KIF16B: variants seen among roughly 807,000 people sequenced by gnomAD.
KIF16B encodes kinesin-like protein KIF16B.
A neutral mutation model predicts 156.3 loss-of-function variants in KIF16B; 98 were observed. That is an observed-to-expected ratio of 0.63 (90% CI 0.53 to 0.74). KIF16B has a LOEUF of 0.74. KIF16B is among the 30% of genes least tolerant of loss of function. The pLI, the probability that KIF16B is intolerant of heterozygous loss-of-function variation, is 0.00. For synonymous variants in KIF16B, 564 were observed against 583.7 expected, an observed-to-expected ratio of 0.97 and a Z score of 0.49; for missense variants, 1,421 against 1,606.5, an observed-to-expected ratio of 0.88 and a Z score of 1.97.
intron 24 of KIF16B, among the ~76,000 whole-genome samples, chr20:16,315,938 T>C (rs1285546091): frequency 6.6e-6 from 1 of 152,138 alleles, no homozygotes; most frequent in African/African-American, 2.4e-5. Flanking sequence ...TAATGTAAAG[T>C]ATAGGAAAAA....
chr20:16,300,690 G>A (rs1289884374), intron 25 of KIF16B, among the ~76,000 whole-genome samples: 1 of 152,042 alleles, frequency 6.6e-6, no homozygotes, highest in East Asian at 1.9e-4. Flanking sequence ...TTACTTCTTA[G>A]TTTTAGAGGT....
chr20:16,488,235 C>G (rs963532484), intron 12 of KIF16B, among the ~76,000 whole-genome samples: 2 of 152,200 alleles, frequency 1.3e-5, no homozygotes, highest in African/African-American at 2.4e-5. Context: ...CTGCGAGGAC[C>G]ACTTTGCAGC....
intron 25 of KIF16B, among the ~76,000 whole-genome samples, chr20:16,298,716 T>C (rs924892226): frequency 1.3e-5 from 2 of 152,122 alleles, no homozygotes; most frequent in Admixed American, 6.5e-5. Context: ...ATTAGAAGTA[T>C]AGTCCCACCT....
rs963868709 is a variant in KIF16B at position 16,573,380 on chromosome 20, C to A, written c.-105G>T. ...GCGGCTCCCGCCCACTTCCCTCTCG[C>A]CCCCGCCCCTCTGCTCCCGGCCGGA... On this transcript the variant is annotated 5_prime_UTR_variant, in exon 1 of 26. Transcript: ENST00000354981. 9.5e-6 allele frequency: 12 copies of A among 1,257,430 alleles called. No homozygotes were observed. The highest frequency in any genetic ancestry group is 1.3e-5 in the Non-Finnish European group (12 of 894,058). The allele number at this position is 1,257,430 out of a possible 1,614,324, so 77.9% of individuals were successfully genotyped here. A position where few individuals can be genotyped will look rare whatever the true frequency, so the allele number is the denominator to read the frequency against.
In KIF16B at chr20:16,335,924, A is replaced by G. The variant is rs1279654928; in HGVS notation, c.3711+2T>C. ...ATCGGAGATAATAATTTCATAACTT[A>G]CCTCTGCATACTTTAACTTCAATGT... On this transcript the variant is annotated splice_donor_variant, in intron 24 of 25. Coordinates refer to ENST00000354981, the MANE Select transcript of KIF16B (RefSeq NM_024704.5). LOFTEE classifies it high-confidence loss of function. 3 of 1,560,300 alleles carry G rather than the reference A, an allele frequency of 1.9e-6. No homozygotes were observed. The highest frequency in any genetic ancestry group is 2.6e-6 in the Non-Finnish European group (3 of 1,135,160).
intron 1 of KIF16B, among the ~76,000 whole-genome samples, chr20:16,572,201 AT>A (rs1315540815): frequency 3.9e-5 from 6 of 152,332 alleles, no homozygotes; most frequent in Admixed American, 6.5e-5. Flanking sequence ...CAAAATAATG[AT>A]TCCCTACTTG....
intron 17 of KIF16B, among the ~76,000 whole-genome samples, chr20:16,387,544 T>C (rs1220423317): frequency 6.6e-6 from 1 of 152,202 alleles, no homozygotes; most frequent in Non-Finnish European, 1.5e-5. Context: ...AAAGTCTCCA[T>C]GCTGAAGAAG....
chr20:16,284,367 A>G (rs1237687026), intron 25 of KIF16B, among the ~76,000 whole-genome samples: 1 of 152,080 alleles, frequency 6.6e-6, no homozygotes, highest in Non-Finnish European at 1.5e-5. Context: ...CAACTTGCAA[A>G]CCCTTCTCCT....
chr20:16,296,643 C>T (rs1009587614), intron 25 of KIF16B, among the ~76,000 whole-genome samples: 6 of 152,112 alleles, frequency 3.9e-5, no homozygotes, highest in African/African-American at 7.2e-5. Context: ...TCTAATGGGG[C>T]TGCACATGAG....
At chr20:16,441,492 T>A (rs1422015046) in intron 12 of KIF16B, among the ~76,000 whole-genome samples, 1 of 152,162 alleles carries the variant, frequency 6.6e-6, no homozygotes. Context: ...TGACTTTACA[T>A]TCATGCACTG....
intron 25 of KIF16B, among the ~76,000 whole-genome samples, chr20:16,301,146 A>C (rs1479241566): frequency 6.6e-6 from 1 of 152,214 alleles, no homozygotes; most frequent in African/African-American, 2.4e-5. Context: ...GTTCTGCCAA[A>C]ATCTCTTCAT....
intron 25 of KIF16B, among the ~76,000 whole-genome samples, chr20:16,303,685 G>C (rs183770953): frequency 6.8e-4 from 104 of 152,292 alleles, no homozygotes; most frequent in African/African-American, 2.4e-3. Context: ...TGAAGCATCT[G>C]GAATCCTGTC....
chr20:16,379,840 G>A lies in KIF16B; in HGVS notation c.2162C>T (p.Ala721Val), dbSNP rs1294802404. Reference sequence around the variant, plus strand: ...TTCTTGAAATATCTGAAACTTCTCAGCCTTCTCGTTGTTGTTGAGTTCTTT... The same window carrying A: ...TTCTTGAAATATCTGAAACTTCTCAACCTTCTCGTTGTTGTTGAGTTCTTT... Reference protein sequence around the residue: ...RLKELNNNEKAEKFQIFQELD... With the variant: ...RLKELNNNEKVEKFQIFQELD... Residue 721 changes from alanine (A) to valine (V), a missense_variant, in exon 19 of 26, where the codon GCT becomes GTT. Ala to Val is a moderately conservative substitution (Grantham distance 64, BLOSUM62 0). Coordinates refer to ENST00000354981, the MANE Select transcript of KIF16B (RefSeq NM_024704.5). The A allele has an allele frequency of 6.2e-7, 1 of 1,614,124 alleles. No homozygotes were observed. The highest frequency in any genetic ancestry group is 8.5e-7 in the Non-Finnish European group (1 of 1,180,026).
chr20:16,316,835 T>C (rs945594814), intron 24 of KIF16B, among the ~76,000 whole-genome samples: 3 of 152,148 alleles, frequency 2.0e-5, no homozygotes, highest in Non-Finnish European at 4.4e-5. Context: ...TTTTAAAAAA[T>C]GGACAATTTA....
Position 16,505,784 on chromosome 20 carries a change from G to GAATC in KIF16B, c.934_937dup (p.Ser313Ter). The GAATC allele has an allele frequency of 6.2e-7, 1 of 1,613,630 alleles. No homozygotes were observed. The highest frequency in any genetic ancestry group is 1.1e-5 in the South Asian group (1 of 91,064). ...ATCTTTTAACAACCAAGTCAACACA[G>GAATC]AATCCCTGTAAGGCACGAAAACTTG... is the stretch of plus-strand genomic sequence containing the variant. On this transcript the variant is annotated stop_gained and frameshift_variant, in exon 9 of 26. Coordinates refer to ENST00000354981, the MANE Select transcript of KIF16B (RefSeq NM_024704.5). LOFTEE classifies it high-confidence loss of function.
chr20:16,368,181 C>T (rs191233722), intron 22 of KIF16B: 318 of 1,080,344 alleles, frequency 2.9e-4, no homozygotes, highest in Non-Finnish European at 1.9e-4. Context: ...GCATTTGGTC[C>T]GGGAATTGCA....
chr20:16,329,765 G>A (rs2063916841), intron 24 of KIF16B, among the ~76,000 whole-genome samples: 1 of 151,896 alleles, frequency 6.6e-6, no homozygotes, highest in African/African-American at 2.4e-5. Flanking sequence ...AAACAAAAGA[G>A]GAAACCCATT....
intron 1 of KIF16B, among the ~76,000 whole-genome samples, chr20:16,540,118 A>G (rs1040918724): frequency 1.3e-5 from 2 of 152,250 alleles, no homozygotes; most frequent in Non-Finnish European, 2.9e-5. Flanking sequence ...AAGAAGTCCA[A>G]GGAAGCCTGT....
intron 1 of KIF16B, among the ~76,000 whole-genome samples, chr20:16,551,952 C>T (rs923364592): frequency 3.3e-5 from 5 of 152,170 alleles, no homozygotes; most frequent in Non-Finnish European, 7.3e-5. Context: ...CGTGGGGGCG[C>T]GGAGCTAACA....
Sources: gnomAD v4.1 joint callset for allele counts (sites outside exome capture counted in the v4.1 genomes callset) on GRCh38, gnomAD v4.1.1 for gene constraint, MANE v1.5 for transcripts, NCBI Gene and HGNC (gene_info 2026-07-23, HGNC 2026-07-21) for gene names.